Variants in IGF2R observed in about 807,000 individuals in gnomAD.
IGF2R encodes cation-independent mannose-6-phosphate receptor.
Under a neutral mutation model 270.6 loss-of-function variants are expected in IGF2R, and 91 were observed. That is an observed-to-expected ratio of 0.34 (90% confidence interval 0.28 to 0.40). The LOEUF is 0.40. Among genes scored for constraint, IGF2R ranks in the 10% least tolerant of loss-of-function variants. The pLI is 1.00. For missense variants in IGF2R, 2,805 were observed against 3,188.3 expected, an observed-to-expected ratio of 0.88 and a Z score of 2.90; for synonymous variants, 1,316 against 1,258.9, an observed-to-expected ratio of 1.05 and a Z score of -0.96.
intron 2 of IGF2R, among the ~76,000 whole-genome samples, chr6:159,995,590 C>A (rs1056719856): frequency 6.6e-6 from 1 of 152,064 alleles, no homozygotes; most frequent in Admixed American, 6.5e-5. Flanking sequence ...CTATTAGATT[C>A]TCTTTTCTGC....
Position 160,069,868 on chromosome 6 carries a change from A to T in IGF2R, c.4253A>T (p.Glu1418Val). ...CKSLAPQAGT[E>V]PCPPEAAACL... ...CTCTTTCTTGTGTCTGGTGCTGCAG[A>T]GCCGTGCCCTCCAGAAGCAGCCGCG... Residue 1418 changes from glutamate (E) to valine (V), a missense_variant and splice_region_variant, in exon 31 of 48, where the codon GAG (glutamate) becomes GTG (valine). Glu to Val is a moderately radical substitution (Grantham distance 121). Coordinates refer to ENST00000356956, the MANE Select transcript of IGF2R (RefSeq NM_000876.4). 2 of 1,613,636 alleles carry T rather than the reference A, an allele frequency of 1.2e-6. No individual in the cohort carries two copies. Among genetic ancestry groups the T allele is most frequent in the Non-Finnish European group, 1.7e-6 (2 of 1,179,812 alleles).
At chr6:159,980,878 C>T (rs538152652) in intron 1 of IGF2R, among the ~76,000 whole-genome samples, 1 of 152,310 alleles carries the variant, frequency 6.6e-6, no homozygotes, top group African/African-American at 2.4e-5. Context: ...GAGTTTAGCC[C>T]ATCTACAACT....
At chr6:160,017,286 A>G (rs551422051) in intron 4 of IGF2R, among the ~76,000 whole-genome samples, 163 of 152,346 alleles carry the variant, frequency 1.1e-3, no homozygotes, top group Admixed American at 2.0e-3. Flanking sequence ...GAACTTGAAG[A>G]CAGGTCTTTT....
At chr6:159,976,434 A>G (rs999572046) in intron 1 of IGF2R, among the ~76,000 whole-genome samples, 4 of 152,122 alleles carry the variant, frequency 2.6e-5, no homozygotes, top group African/African-American at 9.7e-5. Context: ...AAGTCTTTCC[A>G]AAAGAACTAG....
In IGF2R at chr6:159,998,030, A is replaced by C. The variant is rs3777415; in HGVS notation, c.289+6707A>C. 6.6e-6 allele frequency among the ~76,000 whole-genome samples: 1 copy of C among 152,198 alleles called. No individual in the cohort carries two copies. Among genetic ancestry groups the C allele is most frequent in the Admixed American group, 6.5e-5 (1 of 15,268 alleles). On this transcript the variant is annotated intron_variant, in intron 2 of 47. Coordinates refer to ENST00000356956, the MANE Select transcript of IGF2R (RefSeq NM_000876.4). The surrounding 1 kb of genome is among the most constrained non-coding windows in gnomAD (Gnocchi z 4.1). The stretch of plus-strand genomic sequence containing the variant: ...GCCTGGGATTGAGATCTGAGAAAGC[A>C]CTAGATTGTTGTGAATTCTTGGGTC...
At chr6:159,972,980 T>A (rs1783633372) in intron 1 of IGF2R, among the ~76,000 whole-genome samples, 1 of 152,218 alleles carries the variant, frequency 6.6e-6, no homozygotes, top group South Asian at 2.1e-4. Context: ...AGTTAATGAT[T>A]CTTATGCAGG....
chr6:159,999,798 C>T (rs1784101818), intron 2 of IGF2R, among the ~76,000 whole-genome samples: 1 of 152,068 alleles, frequency 6.6e-6, no homozygotes, highest in South Asian at 2.1e-4. Context: ...ACTGAAATTA[C>T]AGCTCAGTTA....
chr6:160,092,557 T>G (rs976352346), intron 44 of IGF2R, among the ~76,000 whole-genome samples: 1 of 152,264 alleles, frequency 6.6e-6, no homozygotes, highest in African/African-American at 2.4e-5. Context: ...TTTTAAGACA[T>G]CTTTTCATCT....
chr6:160,102,482 C>A lies in IGF2R; in HGVS notation c.6843-37C>A, dbSNP rs1285905833. ...GTTGTGGCTGTGGCAGCAGGACCAC[C>A]CTGTGACACGGCTCCTTTTCTGTGA... On this transcript the variant is annotated intron_variant, in intron 45 of 47. Coordinates refer to ENST00000356956, the MANE Select transcript of IGF2R (RefSeq NM_000876.4). The surrounding 1 kb of genome is among the most constrained non-coding windows in gnomAD (Gnocchi z 4.5). 7.5e-6 allele frequency: 12 copies of A among 1,598,272 alleles called. No individual in the cohort carries two copies. Among genetic ancestry groups the A allele is most frequent in the Non-Finnish European group, 1.0e-5 (12 of 1,170,456 alleles).
chr6:160,028,291 A>T (rs1777610903), intron 6 of IGF2R, among the ~76,000 whole-genome samples: 1 of 152,046 alleles, frequency 6.6e-6, no homozygotes, highest in Non-Finnish European at 1.5e-5. Context: ...TCTGATAAGG[A>T]CACCAGTGAT....
intron 30 of IGF2R, among the ~76,000 whole-genome samples, chr6:160,069,016 T>C (rs1485953037): frequency 6.6e-6 from 1 of 152,032 alleles, no homozygotes; most frequent in Non-Finnish European, 1.5e-5. Context: ...ATAGCCATGG[T>C]GAGGAATCCT....
In IGF2R at chr6:160,061,486, T is replaced by A; in HGVS notation, c.3263-17T>A. Reference sequence around the variant, plus strand: ...AGGAGGCAGAGTTCTCCAGCGTGGTTTTTTGTTGTGTTTCAGACCTGGCTG... The same window carrying A: ...AGGAGGCAGAGTTCTCCAGCGTGGTATTTTGTTGTGTTTCAGACCTGGCTG... On this transcript the variant is annotated splice_polypyrimidine_tract_variant and intron_variant, in intron 23 of 47. Transcript: ENST00000356956. 6.2e-7 allele frequency: 1 copy of A among 1,612,754 alleles called. No homozygotes were observed. Among genetic ancestry groups the A allele is most frequent in the Non-Finnish European group, 8.5e-7 (1 of 1,179,432 alleles).
Position 159,980,183 on chromosome 6 carries a change from A to AAAAGAAAGAAAG in IGF2R, c.149+10833_149+10844dup, listed in dbSNP as rs57599343. On this transcript the variant is annotated intron_variant, in intron 1 of 47. Coordinates refer to ENST00000356956, the MANE Select transcript of IGF2R (RefSeq NM_000876.4). Reference sequence around the variant, plus strand: ...GCAACACAGTGAGACTCCGTCTCAAAAAAGAAAGAAAGAAAGAAAGAAAGA... The same window carrying AAAAGAAAGAAAG: ...GCAACACAGTGAGACTCCGTCTCAAAAAAGAAAGAAAGAAAGAAAGAAAGAAAGAAAGAAAGA... 9.5e-3 allele frequency among the ~76,000 whole-genome samples: 1,158 copies of AAAAGAAAGAAAG among 121,948 alleles called. 37 individuals carry two copies. The highest frequency in any genetic ancestry group is 0.037 in the Admixed American group (435 of 11,870). The allele number at this position is 121,948 out of a possible 152,430, so 80.0% of individuals were successfully genotyped here.
At chr6:160,092,143 C>T (rs1295932907) in intron 44 of IGF2R, among the ~76,000 whole-genome samples, 1 of 71,588 alleles carries the variant, frequency 1.4e-5, no homozygotes, top group Non-Finnish European at 2.8e-5. Flanking sequence ...GAAGGCCCAC[C>T]TTCTCATAGC....
chr6:160,089,783 C>T (rs1439870340), intron 43 of IGF2R, 133 bp from the exon 44 acceptor site: 11 of 556,472 alleles, frequency 2.0e-5, no homozygotes, highest in Admixed American at 3.6e-5. Flanking sequence ...GCTGCCCTAG[C>T]GTGTCCGTGC....
intron 32 of IGF2R, among the ~76,000 whole-genome samples, chr6:160,072,359 G>GC (rs1778760675): frequency 6.6e-6 from 1 of 152,204 alleles, no homozygotes; most frequent in African/African-American, 2.4e-5. Context: ...GTTAGAGCTA[G>GC]CCCCTGGCTG....
intron 9 of IGF2R, 71 bp downstream of exon 9, chr6:160,033,178 C>A (rs1371768309): frequency 1.8e-5 from 19 of 1,084,896 alleles, no homozygotes; most frequent in Non-Finnish European, 2.5e-5. Context: ...ACTCTGGCGC[C>A]CAGGCTAGAC....
chr6:159,986,034 C>T (rs945487483), intron 1 of IGF2R, among the ~76,000 whole-genome samples: 2 of 152,050 alleles, frequency 1.3e-5, no homozygotes, highest in African/African-American at 4.8e-5. Flanking sequence ...ACTGGGACAA[C>T]GGACAGGGAT....
intron 5 of IGF2R, 131 bp from the exon 6 acceptor site, chr6:160,027,054 G>A: frequency 1.0e-6 from 1 of 997,284 alleles, no homozygotes. Context: ...GCTTGCCCAA[G>A]GTTTCAGAAT....
Sources: gnomAD v4.1 joint callset for allele counts (sites outside exome capture counted in the v4.1 genomes callset) on GRCh38, gnomAD v4.1.1 for gene constraint, Gnocchi (gnomAD v3.1) non-coding constraint, MANE v1.5 for transcripts, NCBI Gene and HGNC (gene_info 2026-07-23, HGNC 2026-07-21) for gene names.